Variants in H2BN1 observed in about 807,000 individuals in gnomAD.
H2BN1 encodes the protein histone H2B.N.
At chr17:32,903,749 T>C in the H2BN1 span, among the ~76,000 whole-genome samples, 177 of 152,354 alleles carry the variant, frequency 1.2e-3, 1 homozygote, top group Non-Finnish European at 2.0e-3. Context: ...ACAAGGACCA[T>C]ATTCCATTTT....
chr17:32,896,176 A>T, the H2BN1 span, among the ~76,000 whole-genome samples: 18 of 152,090 alleles, frequency 1.2e-4, no homozygotes, highest in African/African-American at 4.3e-4. Flanking sequence ...TTGGCCTCCC[A>T]AAGTGTTGGA....
the H2BN1 span, among the ~76,000 whole-genome samples, chr17:32,896,688 T>G: frequency 6.6e-6 from 1 of 152,232 alleles, no homozygotes; most frequent in Admixed American, 6.5e-5. Flanking sequence ...ACAGAGCTTC[T>G]CAACCATAGC....
chr17:32,898,114 G>A, the H2BN1 span, among the ~76,000 whole-genome samples: 2 of 151,512 alleles, frequency 1.3e-5, no homozygotes, highest in African/African-American at 4.9e-5. Flanking sequence ...CCAAAAATCT[G>A]AGATAGGTCT....
At chr17:32,896,460 C>G in the H2BN1 span, among the ~76,000 whole-genome samples, 11 of 152,110 alleles carry the variant, frequency 7.2e-5, no homozygotes, top group African/African-American at 2.2e-4. Flanking sequence ...TGGGAAGATT[C>G]AAAAGATGTA....
At chr17:32,906,256 A>G in the H2BN1 span, 1 of 152,176 alleles carries the variant, frequency 6.6e-6, no homozygotes, top group Non-Finnish European at 1.5e-5. Context: ...ATGCTTGGCA[A>G]CTGGAATGGG....
the H2BN1 span, among the ~76,000 whole-genome samples, chr17:32,897,084 G>A: frequency 6.6e-6 from 1 of 152,158 alleles, no homozygotes; most frequent in South Asian, 2.1e-4. Flanking sequence ...GGCACTGTAA[G>A]GATAAAACAA....
At chr17:32,905,254 G>T in the H2BN1 span, among the ~76,000 whole-genome samples, 1 of 152,210 alleles carries the variant, frequency 6.6e-6, no homozygotes, top group East Asian at 1.9e-4. Flanking sequence ...CAAAACAAAA[G>T]AGGGAGGAGT....
chr17:32,901,743 C>T, the H2BN1 span, among the ~76,000 whole-genome samples: 7 of 151,938 alleles, frequency 4.6e-5, no homozygotes, highest in South Asian at 2.1e-4. Context: ...CTGAAAATGG[C>T]GAGATGCAAT....
the H2BN1 span, among the ~76,000 whole-genome samples, chr17:32,897,669 G>C: frequency 6.6e-6 from 1 of 152,184 alleles, no homozygotes; most frequent in Non-Finnish European, 1.5e-5. Flanking sequence ...TTGGGGAGGA[G>C]CCTTACAGGA....
the H2BN1 span, among the ~76,000 whole-genome samples, chr17:32,899,118 T>A: frequency 6.6e-6 from 1 of 152,230 alleles, no homozygotes; most frequent in Non-Finnish European, 1.5e-5. Flanking sequence ...ATATAATTTT[T>A]CTCTGTCTAG....
the H2BN1 span, among the ~76,000 whole-genome samples, chr17:32,904,753 G>T: frequency 1.3e-5 from 2 of 150,362 alleles, no homozygotes; most frequent in East Asian, 4.0e-4. Flanking sequence ...AAAAGTAAAT[G>T]AAAGAACTTT....
chr17:32,895,774 G>T, the H2BN1 span, among the ~76,000 whole-genome samples: 2 of 152,194 alleles, frequency 1.3e-5, no homozygotes, highest in African/African-American at 4.8e-5. Flanking sequence ...ATCTGCTAAT[G>T]GCTGCTGTCT....
the H2BN1 span, among the ~76,000 whole-genome samples, chr17:32,897,358 T>TACACACACACACAC: frequency 6.6e-3 from 821 of 124,038 alleles, 12 homozygotes; most frequent in Admixed American, 0.015. Flanking sequence ...CTCTCTGTCT[T>TACACACACACACAC]ACACACACAC....
At chr17:32,903,893 GT>G in the H2BN1 span, among the ~76,000 whole-genome samples, 4 of 152,260 alleles carry the variant, frequency 2.6e-5, no homozygotes, top group Admixed American at 2.6e-4. Flanking sequence ...GTGGCCTCAG[GT>G]TTTTTGTGTG....
At chr17:32,899,075 G>C in the H2BN1 span, among the ~76,000 whole-genome samples, 1 of 152,164 alleles carries the variant, frequency 6.6e-6, no homozygotes, top group Non-Finnish European at 1.5e-5. Flanking sequence ...GGCAAGACTA[G>C]AATCTAATAA....
the H2BN1 span, among the ~76,000 whole-genome samples, chr17:32,899,198 G>T: frequency 6.6e-6 from 1 of 152,106 alleles, no homozygotes. Context: ...CTGATTATTT[G>T]CATATAGTAT....
chr17:32,895,777 T>C, the H2BN1 span, among the ~76,000 whole-genome samples: 3 of 152,376 alleles, frequency 2.0e-5, no homozygotes, highest in East Asian at 3.9e-4. Context: ...TGCTAATGGC[T>C]GCTGTCTTCT....
chr17:32,896,091 T>A, the H2BN1 span, among the ~76,000 whole-genome samples: 3 of 152,104 alleles, frequency 2.0e-5, no homozygotes, highest in African/African-American at 4.8e-5. Context: ...AGTGGGTTTT[T>A]ATTTTTTTTA....
chr17:32,902,369 A>G, the H2BN1 span, among the ~76,000 whole-genome samples: 3 of 152,204 alleles, frequency 2.0e-5, no homozygotes, highest in African/African-American at 7.2e-5. Context: ...GGGCTGAACT[A>G]ACTTTGGGAG....
Sources: allele counts gnomAD v4.1 joint callset (sites outside exome capture counted in the v4.1 genomes callset), GRCh38; gene constraint gnomAD v4.1.1; transcripts MANE v1.5; gene names NCBI Gene and HGNC (gene_info 2026-07-23, HGNC 2026-07-21).